The following TNS3 variants were observed in gnomAD, a reference collection of about 807,000 sequenced individuals.
The protein encoded by TNS3 is tensin 3.
A neutral mutation model predicts 140.9 loss-of-function variants in TNS3; 45 were observed. The observed-to-expected ratio is 0.32, with a 90% confidence interval of 0.25 to 0.41. The LOEUF (loss-of-function observed/expected upper bound fraction) is 0.41, where lower values mean the gene tolerates loss of function less well. Ranked by LOEUF, TNS3 falls within the 10% of genes least tolerant of loss-of-function variation. The pLI is 1.00. For synonymous variants in TNS3, 815 were observed against 788.4 expected, an observed-to-expected ratio of 1.03 and a Z score of -0.56; for missense variants, 1,716 against 1,906.7, an observed-to-expected ratio of 0.90 and a Z score of 1.86.
chr7:47,316,866 A>G (rs6970503), intron 20 of TNS3, among the ~76,000 whole-genome samples: 10,351 of 152,156 alleles, frequency 0.068, 407 homozygotes, highest in South Asian at 0.13. Flanking sequence ...CCTTCTTGAA[A>G]GCAAAGAGAA....
chr7:47,297,691 C>T (rs1021104431), intron 23 of TNS3, among the ~76,000 whole-genome samples: 1 of 152,080 alleles, frequency 6.6e-6, no homozygotes, highest in Non-Finnish European at 1.5e-5. Flanking sequence ...GCAGAACACC[C>T]TGCCTCTGCT....
intron 20 of TNS3, among the ~76,000 whole-genome samples, chr7:47,333,648 A>T (rs2150930579): frequency 6.6e-6 from 1 of 152,346 alleles, no homozygotes; most frequent in East Asian, 1.9e-4. Flanking sequence ...AGAAAGAAGA[A>T]GATTGGTAAA....
chr7:47,397,060 G>A (rs920864623), intron 15 of TNS3, among the ~76,000 whole-genome samples, 156 bp from the exon 16 acceptor site: 3 of 152,186 alleles, frequency 2.0e-5, no homozygotes, highest in African/African-American at 7.2e-5. Flanking sequence ...ACACTAATCA[G>A]AGACTGTGGA....
intron 3 of TNS3, among the ~76,000 whole-genome samples, chr7:47,494,917 A>T (rs897331209): frequency 1.4e-4 from 22 of 152,174 alleles, no homozygotes; most frequent in Admixed American, 3.9e-4. Flanking sequence ...TGGGGATTTG[A>T]ATGCTTCGTT....
intron 3 of TNS3, among the ~76,000 whole-genome samples, chr7:47,492,427 C>T (rs1157629916): frequency 1.3e-5 from 2 of 152,240 alleles, no homozygotes; most frequent in Non-Finnish European, 2.9e-5. Flanking sequence ...CCTCTTTCCT[C>T]ACCTGCAGCC....
chr7:47,408,913 T>C (rs1793598638), intron 13 of TNS3, among the ~76,000 whole-genome samples: 1 of 152,048 alleles, frequency 6.6e-6, no homozygotes, highest in Non-Finnish European at 1.5e-5. Flanking sequence ...CATCAAGGCC[T>C]CTGTAGGCTA....
At chr7:47,478,760 CAT>C (rs1413636927) in intron 4 of TNS3, among the ~76,000 whole-genome samples, 1 of 151,926 alleles carries the variant, frequency 6.6e-6, no homozygotes, top group East Asian at 1.9e-4. Context: ...TGTGTTGACA[CAT>C]GTATAACATA....
chr7:47,442,744 T>C lies in TNS3; in HGVS notation c.-75-689A>G, dbSNP rs549827535. 5.3e-5 allele frequency among the ~76,000 whole-genome samples: 8 copies of C among 152,310 alleles called. No homozygotes were observed. In the South Asian group the frequency reaches 1.7e-3, roughly 32 times the overall value. On this transcript the variant is annotated intron_variant, in intron 4 of 30. Coordinates refer to ENST00000311160, the MANE Select transcript of TNS3 (RefSeq NM_022748.12). ...CACTACAGGGCTCCCTCAAAGTCTC[T>C]TTCTGCCCCAAGCCAGGTAATGCTG...
chr7:47,302,002 T>C (rs1371884125), intron 23 of TNS3, among the ~76,000 whole-genome samples, 184 bp downstream of exon 23: 2 of 152,184 alleles, frequency 1.3e-5, no homozygotes, highest in African/African-American at 2.4e-5. Flanking sequence ...TTTTCCCCTA[T>C]AAAAACTTAA....
At chr7:47,281,018 G>A (rs1424845014) in intron 28 of TNS3, among the ~76,000 whole-genome samples, 1 of 152,172 alleles carries the variant, frequency 6.6e-6, no homozygotes, top group Non-Finnish European at 1.5e-5. Context: ...GGATCGTGGG[G>A]AAACCACTAA....
chr7:47,574,797 C>T (rs1221395264), intron 1 of TNS3, among the ~76,000 whole-genome samples: 1 of 152,012 alleles, frequency 6.6e-6, no homozygotes, highest in Non-Finnish European at 1.5e-5. Context: ...GTATGAGGCA[C>T]CCGATGTAGT....
At chr7:47,536,386 G>T (rs1171884704) in intron 1 of TNS3, among the ~76,000 whole-genome samples, 1 of 151,616 alleles carries the variant, frequency 6.6e-6, no homozygotes, top group African/African-American at 2.4e-5. Flanking sequence ...AACCAGCACC[G>T]CTCTGTTTAA....
intron 4 of TNS3, among the ~76,000 whole-genome samples, chr7:47,467,280 G>A (rs1046426332): frequency 3.9e-5 from 6 of 152,198 alleles, no homozygotes; most frequent in African/African-American, 1.4e-4. Flanking sequence ...GCTGGGAAAC[G>A]AAGTGTTAGT....
In TNS3 at chr7:47,430,231, C is replaced by T. The variant is rs139302028; in HGVS notation, c.325-1855G>A. 3.7e-3 allele frequency among the ~76,000 whole-genome samples: 566 copies of T among 151,546 alleles called. 2 individuals carry two copies. The highest frequency in any genetic ancestry group is 0.013 in the African/African-American group (520 of 41,300). On this transcript the variant is annotated intron_variant, in intron 8 of 30. Coordinates refer to ENST00000311160, the MANE Select transcript of TNS3 (RefSeq NM_022748.12). ...GCAACCTCCACCTCCCGAGTTCAAG[C>T]GATTATCCTGCCTCAGCCTCCCAAG...
In TNS3 at chr7:47,368,702, G is replaced by A. The variant is rs76229426; in HGVS notation, c.1944C>T (p.Gly648=). ...SSRVAVQRGV[G]SGPHPPDTQQ... is the part of the protein sequence containing the mutation. ...GTGTGTCAGGGGGATGTGGCCCACT[G>A]CCTACACCCCTCTGGACAGCCACCC... Residue 648 remains glycine, a synonymous_variant, in exon 17 of 31, where the codon GGC becomes GGT. Coordinates refer to ENST00000311160, the MANE Select transcript of TNS3 (RefSeq NM_022748.12). 0.039 allele frequency: 61,407 copies of A among 1,584,548 alleles called. 1,402 individuals are homozygous for A. The highest frequency in any genetic ancestry group is 0.047 in the Non-Finnish European group (54,288 of 1,165,694).
intron 1 of TNS3, among the ~76,000 whole-genome samples, chr7:47,551,894 G>C (rs1800072847): frequency 6.6e-6 from 1 of 152,166 alleles, no homozygotes; most frequent in Non-Finnish European, 1.5e-5. Flanking sequence ...GCTGGAGCGG[G>C]GCAGGGGTGG....
At chr7:47,421,852 A>G (rs1422592987) in intron 10 of TNS3, among the ~76,000 whole-genome samples, 3 of 152,168 alleles carry the variant, frequency 2.0e-5, no homozygotes, top group Admixed American at 2.0e-4. Context: ...GTTGCTGTTG[A>G]GACTTCTGAG....
intron 20 of TNS3, among the ~76,000 whole-genome samples, chr7:47,312,962 G>A (rs151178156): frequency 1.1e-3 from 161 of 152,270 alleles, no homozygotes; most frequent in African/African-American, 3.4e-3. Flanking sequence ...TACACCAGCC[G>A]GAGAACGGAA....
intron 17 of TNS3, among the ~76,000 whole-genome samples, chr7:47,367,462 A>C (rs986348622): frequency 2.6e-5 from 4 of 152,228 alleles, no homozygotes; most frequent in African/African-American, 9.6e-5. Flanking sequence ...GCTGTAACCC[A>C]GGCAGATGTC....
Sources: gnomAD v4.1 joint callset for allele counts (sites outside exome capture counted in the v4.1 genomes callset) on GRCh38, gnomAD v4.1.1 for gene constraint, MANE v1.5 for transcripts, NCBI Gene and HGNC (gene_info 2026-07-23, HGNC 2026-07-21) for gene names.